The following GSG1L variants were observed in gnomAD, a reference collection of about 807,000 sequenced individuals.
GSG1L encodes germ cell-specific gene 1-like protein.
In GSG1L, 24 loss-of-function variants were observed where a neutral mutation model predicts 42.1. That is an observed-to-expected ratio of 0.57 (90% CI 0.41 to 0.80). The LOEUF (loss-of-function observed/expected upper bound fraction) is 0.80. GSG1L is among the 30% of genes least tolerant of loss of function. GSG1L has a pLI of 0.00. For missense variants in GSG1L, 445 were observed against 472.2 expected (o/e 0.94, Z 0.53); for synonymous variants, 215 against 203.5 (o/e 1.06, Z -0.48).
intron 3 of GSG1L, among the ~76,000 whole-genome samples, chr16:27,874,318 T>C (rs1443774866): frequency 1.3e-5 from 2 of 151,584 alleles, no homozygotes; most frequent in African/African-American, 4.8e-5. Context: ...CAGCCTGACC[T>C]CAAGGAGGAG....
At chr16:27,869,332 G>A (rs946706973) in intron 3 of GSG1L, among the ~76,000 whole-genome samples, 4 of 151,646 alleles carry the variant, frequency 2.6e-5, no homozygotes, top group African/African-American at 9.8e-5. Context: ...ACACTTTGAT[G>A]ATGGGCTGGT....
At chr16:27,984,601 C>T (rs1022330158) in intron 1 of GSG1L, among the ~76,000 whole-genome samples, 1 of 151,964 alleles carries the variant, frequency 6.6e-6, no homozygotes, top group African/African-American at 2.4e-5. Context: ...TAATTAGAAG[C>T]TAATATTCAG....
intron 6 of GSG1L, among the ~76,000 whole-genome samples, chr16:27,794,599 G>T (rs2082796997): frequency 1.3e-5 from 2 of 152,158 alleles, no homozygotes; most frequent in African/African-American, 2.4e-5. Flanking sequence ...CCAAAGTGCT[G>T]GGATTACAGG....
At chr16:27,930,494 A>T (rs1260241514) in intron 2 of GSG1L, among the ~76,000 whole-genome samples, 1 of 152,200 alleles carries the variant, frequency 6.6e-6, no homozygotes, top group East Asian at 1.9e-4. Context: ...GGAAGACAGG[A>T]TTGCTTTTCT....
intron 2 of GSG1L, among the ~76,000 whole-genome samples, chr16:27,938,307 C>G (rs2084742985): frequency 6.6e-6 from 1 of 151,172 alleles, no homozygotes; most frequent in South Asian, 2.1e-4. Context: ...TCACTTGAAC[C>G]TGGAGATGGA....
Position 28,063,233 on chromosome 16 carries a change from G to A in GSG1L, c.192C>T (p.Thr64=). ...NSGANATANG[T]AAPAAAAAAA... ...CGGCGGCGGCGGCGGCGGGGGCGGC[G>A]GTGCCGTTGGCCGTGGCGTTGGCGC... is the stretch of plus-strand genomic sequence containing the variant. The change falls in exon 1 of 7, where the codon ACC becomes ACT. Residue 64 remains threonine, a synonymous_variant. Transcript: ENST00000447459. This position sits in a 1 kb window ranked among gnomAD's most constrained non-coding sequence, Gnocchi z 5.8. The A allele has an allele frequency of 7.9e-7, 1 of 1,259,168 alleles. No homozygotes were observed. Among genetic ancestry groups the A allele is most frequent in the Non-Finnish European group, 9.9e-7 (1 of 1,006,692 alleles). 78.0% of individuals were successfully genotyped at this position (1,259,168 alleles called of 1,614,324 possible).
intron 2 of GSG1L, among the ~76,000 whole-genome samples, chr16:27,959,500 C>A (rs921154433): frequency 1.1e-5 from 1 of 87,450 alleles, no homozygotes; most frequent in Non-Finnish European, 2.0e-5. Context: ...CGAGACAAGA[C>A]GGGAAGGGAG....
At chr16:27,925,023 T>G (rs1049146912) in intron 2 of GSG1L, among the ~76,000 whole-genome samples, 2 of 152,166 alleles carry the variant, frequency 1.3e-5, no homozygotes, top group Non-Finnish European at 2.9e-5. Flanking sequence ...CAGGATTCAC[T>G]CCTGGACTGG....
intron 3 of GSG1L, among the ~76,000 whole-genome samples, chr16:27,860,260 C>G (rs575316117): frequency 6.6e-6 from 1 of 152,340 alleles, no homozygotes; most frequent in Admixed American, 6.5e-5. Flanking sequence ...CACAGAGACC[C>G]TAGGTCACAG....
Position 27,884,058 on chromosome 16 carries a change from C to A in GSG1L, c.550+428G>T, listed in dbSNP as rs1177392992. On this transcript the variant is annotated intron_variant, in intron 3 of 6. Transcript: ENST00000447459. The surrounding 1 kb of genome is among the most constrained non-coding windows in gnomAD (Gnocchi z 4.4). The stretch of plus-strand genomic sequence containing the variant: ...CAGATGAGCTCAGGAAGAGGAGCGA[C>A]GTGCCCTCCACCCCAAAGTGGCTTC... Among the ~76,000 whole-genome samples, 1 of 152,200 alleles carries A rather than the reference C, an allele frequency of 6.6e-6. No homozygotes were observed. The highest frequency in any genetic ancestry group is 1.5e-5 in the Non-Finnish European group (1 of 68,044).
chr16:27,903,105 G>A (rs1022255323), intron 2 of GSG1L, among the ~76,000 whole-genome samples: 1 of 152,118 alleles, frequency 6.6e-6, no homozygotes, highest in African/African-American at 2.4e-5. Context: ...AGCTGGAGGA[G>A]GTCTTGAAGG....
In GSG1L at chr16:27,946,549, AAAAGAAAG is replaced by A. The variant is rs201856072; in HGVS notation, c.397+16599_397+16606del. On this transcript the variant is annotated intron_variant, in intron 2 of 6. Coordinates refer to ENST00000447459, the MANE Select transcript of GSG1L (RefSeq NM_001109763.2). ...CACAGAGCAAGACTCTGTCTCAAAAAAAAGAAAGAAAGAAAGAAAGAAAGAAAGAAAGA... is the reference window on the plus strand; with the variant it reads ...CACAGAGCAAGACTCTGTCTCAAAAAAAAGAAAGAAAGAAAGAAAGAAAGA... Among the ~76,000 whole-genome samples the A allele has an allele frequency of 8.1e-3, 419 of 51,942 alleles. 26 individuals carry two copies. The highest frequency in any genetic ancestry group is 0.014 in the African/African-American group (234 of 16,590). The allele number at this position is 51,942 out of a possible 152,430, so 34.1% of individuals were successfully genotyped here. A position where few individuals can be genotyped will look rare whatever the true frequency, so the allele number is the denominator to read the frequency against.
intron 2 of GSG1L, among the ~76,000 whole-genome samples, chr16:27,927,817 G>T (rs2084612232): frequency 6.6e-6 from 1 of 152,162 alleles, no homozygotes; most frequent in Non-Finnish European, 1.5e-5. Context: ...CACCTAGGGA[G>T]AGTTTAAGGA....
At chr16:27,891,796 C>G (rs552693304) in intron 2 of GSG1L, among the ~76,000 whole-genome samples, 28 of 151,204 alleles carry the variant, frequency 1.9e-4, no homozygotes, top group African/African-American at 6.8e-4. Flanking sequence ...ACCCTTCTCA[C>G]TTCTCTGTAA....
chr16:27,884,771 G>T lies in GSG1L; in HGVS notation c.398-133C>A. On this transcript the variant is annotated intron_variant, in intron 2 of 6. Transcript: ENST00000447459. This position sits in a 1 kb window ranked among gnomAD's most constrained non-coding sequence, Gnocchi z 4.4. ...AGAACCTGGTTCTGGGGGAGGTCCT[G>T]ATGGAAGCCTGTCATGGCCGTCCCA... 1 of 865,386 alleles carries T rather than the reference G, an allele frequency of 1.2e-6. No homozygotes were observed. Among genetic ancestry groups the T allele is most frequent in the Non-Finnish European group, 1.7e-6 (1 of 586,024 alleles). The allele number at this position is 865,386 out of a possible 1,614,324, so 53.6% of individuals were successfully genotyped here. A position where few individuals can be genotyped will look rare whatever the true frequency, so the allele number is the denominator to read the frequency against.
intron 1 of GSG1L, among the ~76,000 whole-genome samples, chr16:28,012,306 TGCATTA>T (rs1567555440): frequency 6.6e-6 from 1 of 152,154 alleles, no homozygotes; most frequent in Non-Finnish European, 1.5e-5. Flanking sequence ...GTATTCTAAT[TGCATTA>T]GCCTGTGAAA....
chr16:27,980,007 G>C (rs901917332), intron 1 of GSG1L, among the ~76,000 whole-genome samples: 3 of 152,098 alleles, frequency 2.0e-5, no homozygotes, highest in African/African-American at 7.2e-5. Flanking sequence ...TCCTAAGTTA[G>C]AGACACATGT....
chr16:27,946,651 GAAAGA>G (rs572974512), intron 2 of GSG1L, among the ~76,000 whole-genome samples: 5,013 of 31,426 alleles, frequency 0.16, 482 homozygotes, highest in South Asian at 0.24. Flanking sequence ...AAGAAAGAAA[GAAAGA>G]AAAGAAAGAA....
chr16:27,901,424 C>T (rs77654352), intron 2 of GSG1L, among the ~76,000 whole-genome samples: 1 of 152,318 alleles, frequency 6.6e-6, no homozygotes, highest in African/African-American at 2.4e-5. Flanking sequence ...GTGATCCTGC[C>T]ACCTCAGTTC....
Sources: gnomAD v4.1 joint callset for allele counts (sites outside exome capture counted in the v4.1 genomes callset) on GRCh38, gnomAD v4.1.1 for gene constraint, Gnocchi (gnomAD v3.1) non-coding constraint, MANE v1.5 for transcripts, NCBI Gene and HGNC (gene_info 2026-07-23, HGNC 2026-07-21) for gene names.